The following RSPO2 variants were observed in gnomAD, a reference collection of about 807,000 sequenced individuals.
The protein encoded by RSPO2 is R-spondin-2.
Under a neutral mutation model 30.9 loss-of-function variants are expected in RSPO2, and 14 were observed. The ratio of observed to expected loss-of-function variants is 0.45; its 90% CI spans 0.30 to 0.71. The LOEUF is 0.71. Ranked by LOEUF, RSPO2 falls within the 30% of genes least tolerant of loss-of-function variation. The pLI, the probability that RSPO2 is intolerant of heterozygous loss-of-function variation, is 0.08. For synonymous variants in RSPO2, 107 were observed against 96.4 expected, an observed-to-expected ratio of 1.11 and a Z score of -0.64; for missense variants, 264 against 301.9, an observed-to-expected ratio of 0.87 and a Z score of 0.93.
chr8:108,058,938 G>T (rs1812354425), intron 2 of RSPO2, among the ~76,000 whole-genome samples: 1 of 151,618 alleles, frequency 6.6e-6, no homozygotes, highest in Admixed American at 6.6e-5. Flanking sequence ...ATAGGCATGG[G>T]CAAGGACTTC....
At chr8:107,975,099 T>C (rs1299018517) in intron 3 of RSPO2, among the ~76,000 whole-genome samples, 1 of 152,290 alleles carries the variant, frequency 6.6e-6, no homozygotes, top group East Asian at 1.9e-4. Flanking sequence ...ACAAAGACAT[T>C]GAAAAGGGCT....
chr8:108,060,482 A>G (rs1586668353), intron 2 of RSPO2, among the ~76,000 whole-genome samples: 1 of 151,882 alleles, frequency 6.6e-6, no homozygotes, highest in East Asian at 1.9e-4. Flanking sequence ...AAGTTTAGAG[A>G]AAAAAAGAGT....
Position 107,945,327 on chromosome 8 carries a change from C to T in RSPO2, c.616+12753G>A, listed in dbSNP as rs575273559. Among the ~76,000 whole-genome samples the T allele has an allele frequency of 8.1e-5, 11 of 135,654 alleles. No homozygotes were observed. The South Asian group carries it at 2.3e-3, about 28-fold the overall frequency. 89.0% of individuals were successfully genotyped at this position (135,654 alleles called of 152,430 possible). On this transcript the variant is annotated intron_variant, in intron 5 of 5. Transcript: ENST00000276659. ...GCAGTGGCGCGATCTCGGCTCACTA[C>T]AAGCTCCGCCTCCCGGGTTCATGCT...
chr8:108,046,769 T>C (rs1811919019), intron 2 of RSPO2, among the ~76,000 whole-genome samples: 1 of 152,150 alleles, frequency 6.6e-6, no homozygotes, highest in Non-Finnish European at 1.5e-5. Context: ...AACAAGAATT[T>C]AAATATTCAC....
intron 5 of RSPO2, among the ~76,000 whole-genome samples, chr8:107,909,269 T>TG (rs1563744680): frequency 4.0e-5 from 6 of 149,976 alleles, no homozygotes; most frequent in Non-Finnish European, 8.9e-5. Flanking sequence ...GTTTTTTTTT[T>TG]TTTTTTTTTT....
At chr8:108,073,802 T>A (rs1490643281) in intron 2 of RSPO2, among the ~76,000 whole-genome samples, 1 of 152,212 alleles carries the variant, frequency 6.6e-6, no homozygotes, top group Admixed American at 6.5e-5. Context: ...CTTGAGACAG[T>A]GCTTCCAGTG....
chr8:108,032,716 A>C (rs1465443437), intron 2 of RSPO2, among the ~76,000 whole-genome samples: 6 of 152,014 alleles, frequency 3.9e-5, no homozygotes, highest in Admixed American at 1.3e-4. Context: ...CTGCAGCCTC[A>C]AACTCCTGGG....
chr8:108,056,301 C>A (rs1352334027), intron 2 of RSPO2, among the ~76,000 whole-genome samples: 1 of 151,872 alleles, frequency 6.6e-6, no homozygotes, highest in East Asian at 1.9e-4. Context: ...AAAAAGGCAA[C>A]AACAACAACA....
At chr8:108,000,105 G>A (rs954909246) in intron 2 of RSPO2, among the ~76,000 whole-genome samples, 3 of 152,184 alleles carry the variant, frequency 2.0e-5, no homozygotes, top group Admixed American at 1.3e-4. Context: ...AAGGAAAGAC[G>A]ATGAACTGAG....
intron 2 of RSPO2, among the ~76,000 whole-genome samples, chr8:108,067,939 C>G (rs907453342): frequency 6.6e-6 from 1 of 152,082 alleles, no homozygotes. Flanking sequence ...TGTGGTGGCA[C>G]ATACCTGTAG....
intron 5 of RSPO2, among the ~76,000 whole-genome samples, chr8:107,925,240 T>C (rs1320497276): frequency 6.6e-6 from 1 of 151,418 alleles, no homozygotes; most frequent in East Asian, 1.9e-4. Context: ...ATCTCAGAAA[T>C]CACCACTCGA....
At chr8:108,033,675 A>C (rs919236739) in intron 2 of RSPO2, among the ~76,000 whole-genome samples, 1 of 152,206 alleles carries the variant, frequency 6.6e-6, no homozygotes. Flanking sequence ...AAGAGAACTG[A>C]GAGCTTCTTA....
chr8:107,983,539 C>T (rs1050086433), intron 3 of RSPO2: 3 of 1,600,066 alleles, frequency 1.9e-6, no homozygotes, highest in Non-Finnish European at 2.6e-6. Flanking sequence ...AGACACACTA[C>T]TATATTTACT....
In RSPO2 at chr8:107,994,793, T is replaced by C. The variant is rs549781205; in HGVS notation, c.95-5549A>G. On this transcript the variant is annotated intron_variant, in intron 2 of 5. Coordinates refer to ENST00000276659, the MANE Select transcript of RSPO2 (RefSeq NM_178565.5). ...CTTTTAGCTTTGAGACTACATGTTG[T>C]TTACCCTCCATATAATCAGTCTTGT... Among the ~76,000 whole-genome samples the C allele has an allele frequency of 4.6e-5, 7 of 152,188 alleles. No homozygotes were observed. The South Asian group carries it at 1.5e-3, about 32-fold the overall frequency.
At chr8:107,927,988 A>T (rs184058557) in intron 5 of RSPO2, among the ~76,000 whole-genome samples, 2 of 152,286 alleles carry the variant, frequency 1.3e-5, no homozygotes, top group East Asian at 3.9e-4. Flanking sequence ...CTAATCAGAA[A>T]TATTAAATAT....
At chr8:108,078,596 A>G (rs1383707743) in intron 2 of RSPO2, among the ~76,000 whole-genome samples, 1 of 152,224 alleles carries the variant, frequency 6.6e-6, no homozygotes, top group Non-Finnish European at 1.5e-5. Flanking sequence ...TATCTCTATA[A>G]GGTTTAAGAG....
chr8:108,018,841 G>T (rs1221183915), intron 2 of RSPO2, among the ~76,000 whole-genome samples: 1 of 152,076 alleles, frequency 6.6e-6, no homozygotes, highest in Non-Finnish European at 1.5e-5. Flanking sequence ...AGTGAATTTG[G>T]CCTTTATATT....
chr8:107,929,058 A>T (rs1050896395), intron 5 of RSPO2, among the ~76,000 whole-genome samples: 4 of 152,182 alleles, frequency 2.6e-5, no homozygotes, highest in Admixed American at 1.3e-4. Context: ...TGCAAGGCCA[A>T]TGCCACGGCT....
chr8:108,061,972 G>GT (rs1258996623), intron 2 of RSPO2, among the ~76,000 whole-genome samples: 1 of 151,844 alleles, frequency 6.6e-6, no homozygotes, highest in Non-Finnish European at 1.5e-5. Context: ...AAATAAAGAT[G>GT]TTCTTTGAAA....
Sources: allele counts gnomAD v4.1 joint callset (sites outside exome capture counted in the v4.1 genomes callset), GRCh38; gene constraint gnomAD v4.1.1; transcripts MANE v1.5; gene names NCBI Gene and HGNC (gene_info 2026-07-23, HGNC 2026-07-21).